CENPO: variants seen among roughly 807,000 people sequenced by gnomAD.
CENPO encodes centromeric protein O.
Under a neutral mutation model 36.1 loss-of-function variants are expected in CENPO, and 30 were observed. That is an observed-to-expected ratio of 0.83 (90% CI 0.62 to 1.13). CENPO has a LOEUF of 1.13. Among genes scored for constraint, CENPO ranks in the 50% most tolerant of loss-of-function variants. The probability of loss-of-function intolerance (pLI) is 0.00; values close to 1 mark genes in which losing one functional copy is unlikely to be tolerated. For missense variants in CENPO, 349 were observed against 357.8 expected, an observed-to-expected ratio of 0.98 and a Z score of 0.20; for synonymous variants, 171 against 142.3, an observed-to-expected ratio of 1.20 and a Z score of -1.44.
chr2:24,802,075 T>C (rs1418824013), intron 3 of CENPO, among the ~76,000 whole-genome samples: 3 of 152,356 alleles, frequency 2.0e-5, no homozygotes, highest in African/African-American at 7.2e-5. Flanking sequence ...GGGTATTTTA[T>C]TCTCTTTGTA....
At position 24,814,385 on chromosome 2, in the gene CENPO, T is replaced by C. The variant is rs771604254; in HGVS notation, c.226T>C (p.Cys76Arg). The C allele has an allele frequency of 2.6e-6, 4 of 1,535,800 alleles. No individual in the cohort carries two copies. Among genetic ancestry groups the C allele is most frequent in the South Asian group, 1.1e-5 (1 of 89,406 alleles). Residue 76 changes from cysteine (C) to arginine (R), a missense_variant, in exon 4 of 8, where the codon TGT becomes CGT. Cys to Arg is a radical substitution (Grantham distance 180). Transcript: ENST00000380834. ...VRHRRASVKACIANVEPNQTV... is the reference protein window; with the variant it reads ...VRHRRASVKARIANVEPNQTV... ...GCTGCATATCTTGCAGGTGAAAGCA[T>C]GTATTGCCAATGTAGAACCCAACCA...
At chr2:24,796,666 C>CA (rs918692436) in intron 2 of CENPO, among the ~76,000 whole-genome samples, 1 of 151,944 alleles carries the variant, frequency 6.6e-6, no homozygotes, top group Non-Finnish European at 1.5e-5. Flanking sequence ...AAAACAAAAA[C>CA]AAAAAAACTA....
rs545448123 is a variant in CENPO at position 24,815,553 on chromosome 2, G to A, written c.391G>A (p.Glu131Lys). 4 of 1,613,784 alleles carry A rather than the reference G, an allele frequency of 2.5e-6. No homozygotes were observed. The African/African-American group carries it at 5.3e-5, about 22-fold the overall frequency. ...TTGTGTCTGCATCAGTACTGCTTTT[G>A]AGGGGAACCTATTGGATTCCTATTT... ...GVCVCISTAF[E>K]GNLLDSYFVD... The change falls in exon 5 of 8, where the codon GAG (glutamate) becomes AAG (lysine). Residue 131 changes from glutamate to lysine, a missense_variant. By Grantham distance (56) the Glu-to-Lys change is moderately conservative. Transcript: ENST00000380834.
chr2:24,801,028 A>G (rs299011), intron 3 of CENPO, among the ~76,000 whole-genome samples: 3 of 152,138 alleles, frequency 2.0e-5, no homozygotes, highest in Non-Finnish European at 4.4e-5. Context: ...TCTAACTGGT[A>G]TGAGATGGTA....
At chr2:24,807,477 T>A (rs914797460) in intron 3 of CENPO, among the ~76,000 whole-genome samples, 4 of 152,258 alleles carry the variant, frequency 2.6e-5, no homozygotes, top group African/African-American at 4.8e-5. Context: ...TCATTTTTTT[T>A]ATTGCTGAAT....
rs1667434902 is a variant in CENPO, at chr2:24,820,446, A to G, written c.*1128A>G. On this transcript the variant is annotated 3_prime_UTR_variant, in exon 8 of 8. Coordinates refer to ENST00000380834, the MANE Select transcript of CENPO (RefSeq NM_001322101.2). Reference sequence around the variant, plus strand: ...CCCTTTCGTGGAGCTTTTCTGCCAGACGCCACTGAGACAGATCACAAGGTA... The same window carrying G: ...CCCTTTCGTGGAGCTTTTCTGCCAGGCGCCACTGAGACAGATCACAAGGTA... 1 of 1,316,084 alleles carries G rather than the reference A, an allele frequency of 7.6e-7. No individual in the cohort carries two copies. The highest frequency in any genetic ancestry group is 9.7e-7 in the Non-Finnish European group (1 of 1,035,238). 81.5% of individuals were successfully genotyped at this position (1,316,084 alleles called of 1,614,324 possible).
In CENPO at chr2:24,819,926, G is replaced by A. The variant is rs560506417; in HGVS notation, c.*608G>A. On this transcript the variant is annotated 3_prime_UTR_variant, in exon 8 of 8. Coordinates refer to ENST00000380834, the MANE Select transcript of CENPO (RefSeq NM_001322101.2). ...CCGGTTTGGACTGTTGCAGGCTCGA[G>A]GCCATTCAGGAGTTGTCCACCACCT... 1.3e-4 allele frequency: 208 copies of A among 1,613,084 alleles called. 4 individuals carry two copies. The South Asian group carries it at 2.0e-3, about 15-fold the overall frequency.
rs748209454 is a variant in CENPO at position 24,815,865 on chromosome 2, C to T, written c.594+109C>T. ...CCTAACTGTGAGTTAGAAGTTTGAC[C>T]GTTACCTTTCCGATGCTTGTTTCTT... On this transcript the variant is annotated intron_variant, in intron 5 of 7. Coordinates refer to ENST00000380834, the MANE Select transcript of CENPO (RefSeq NM_001322101.2). The T allele has an allele frequency of 2.6e-4, 262 of 998,050 alleles. 1 individual carries two copies. The highest frequency in any genetic ancestry group is 3.4e-4 in the Non-Finnish European group (229 of 672,050). 61.8% of individuals were successfully genotyped at this position (998,050 alleles called of 1,614,324 possible). A position where few individuals can be genotyped will look rare whatever the true frequency, so the allele number is the denominator to read the frequency against.
rs757397107 is a variant in CENPO, at chr2:24,821,622, C to T, written c.*2304C>T. On this transcript the variant is annotated 3_prime_UTR_variant, in exon 8 of 8. Coordinates refer to ENST00000380834, the MANE Select transcript of CENPO (RefSeq NM_001322101.2). Reference sequence around the variant, plus strand: ...AGGTCAGCCAGGTGCTGCCAGCGCTCTCTCTCGGACTTGTCTTCCTGTGCC... The same window carrying T: ...AGGTCAGCCAGGTGCTGCCAGCGCTTTCTCTCGGACTTGTCTTCCTGTGCC... 3.1e-6 allele frequency: 5 copies of T among 1,614,090 alleles called. No homozygotes were observed. The East Asian group carries it at 6.7e-5, about 22-fold the overall frequency.
chr2:24,819,209 T>TTTATCAATACCTGTAAATTCTCTTAA (rs1667151646), intron 7 of CENPO, 145 bp from the exon 8 acceptor site: 1 of 152,632 alleles, frequency 6.6e-6, no homozygotes, highest in Non-Finnish European at 1.5e-5. Flanking sequence ...AGTCTTGTTC[T>TTTATCAATACCTGTAAATTCTCTTAA]TTATCAATAC....
At chr2:24,807,688 C>T (rs1187948952) in intron 3 of CENPO, among the ~76,000 whole-genome samples, 1 of 152,174 alleles carries the variant, frequency 6.6e-6, no homozygotes, top group Non-Finnish European at 1.5e-5. Flanking sequence ...ATAGGATATG[C>T]ATGTTAGGTT....
chr2:24,818,385 T>C (rs1659360447), intron 7 of CENPO, among the ~76,000 whole-genome samples: 1 of 152,168 alleles, frequency 6.6e-6, no homozygotes, highest in Non-Finnish European at 1.5e-5. Flanking sequence ...AATATTTTTT[T>C]TTTTTTAAAA....
At chr2:24,806,354 C>T (rs1318454886) in intron 3 of CENPO, among the ~76,000 whole-genome samples, 1 of 152,226 alleles carries the variant, frequency 6.6e-6, no homozygotes, top group East Asian at 1.9e-4. Context: ...CGACACTTCC[C>T]AGAGAGATGA....
intron 7 of CENPO, among the ~76,000 whole-genome samples, chr2:24,818,884 C>T (rs1667109898): frequency 6.6e-6 from 1 of 152,218 alleles, no homozygotes; most frequent in African/African-American, 2.4e-5. Flanking sequence ...CATGACTGGC[C>T]CAAGGCCACG....
At chr2:24,817,473 A>AAAAAAAC (rs1037257405) in intron 6 of CENPO, among the ~76,000 whole-genome samples, 197 bp from the exon 7 acceptor site, 1 of 151,546 alleles carries the variant, frequency 6.6e-6, no homozygotes, top group Non-Finnish European at 1.5e-5. Flanking sequence ...GACCAAAAAA[A>AAAAAAAC]AAAGCTGTAT....
intron 7 of CENPO, among the ~76,000 whole-genome samples, chr2:24,818,255 G>T (rs374277650): frequency 1.3e-5 from 2 of 152,116 alleles, no homozygotes; most frequent in East Asian, 1.9e-4. Context: ...TTCAGAAAGG[G>T]CTCTCACAGA....
chr2:24,798,173 C>T lies in CENPO; in HGVS notation c.47-1502C>T, dbSNP rs897588314. 3.9e-5 allele frequency among the ~76,000 whole-genome samples: 6 copies of T among 151,940 alleles called. No individual in the cohort carries two copies. In the East Asian group the frequency reaches 7.7e-4, roughly 20 times the overall value. ...ATGGACAACTCTTTTAAGTAGTTTT[C>T]CTGGAAAGGAAAGGGGAGAAAAGGG... is the stretch of plus-strand genomic sequence containing the variant. On this transcript the variant is annotated intron_variant, in intron 2 of 7. Coordinates refer to ENST00000380834, the MANE Select transcript of CENPO (RefSeq NM_001322101.2).
intron 2 of CENPO, among the ~76,000 whole-genome samples, chr2:24,795,358 G>T (rs1190267149): frequency 6.6e-6 from 1 of 152,316 alleles, no homozygotes; most frequent in East Asian, 1.9e-4. Flanking sequence ...GCAACCAGAT[G>T]ATTTATTCAA....
chr2:24,803,782 G>A (rs1666258443), intron 3 of CENPO, among the ~76,000 whole-genome samples: 1 of 152,108 alleles, frequency 6.6e-6, no homozygotes, highest in Non-Finnish European at 1.5e-5. Context: ...GTGTGGTGTG[G>A]TGCTGAAAAA....
Sources: allele counts gnomAD v4.1 joint callset (sites outside exome capture counted in the v4.1 genomes callset), GRCh38; gene constraint gnomAD v4.1.1; transcripts MANE v1.5; gene names NCBI Gene and HGNC (gene_info 2026-07-23, HGNC 2026-07-21).